The following RIPOR1 variants were observed in gnomAD, a reference collection of about 807,000 sequenced individuals.
RIPOR1 encodes RHO family interacting cell polarization regulator 1.
RIPOR1 carries 58 observed loss-of-function variants against 116.5 expected under a neutral mutation model. The ratio of observed to expected loss-of-function variants is 0.50; its 90% CI spans 0.40 to 0.62. The LOEUF is 0.62. Ranked by LOEUF, RIPOR1 falls within the 20% of genes least tolerant of loss-of-function variation. RIPOR1 has a pLI of 0.00. For missense variants in RIPOR1, 1,372 were observed against 1,586.2 expected (o/e 0.86, Z 2.29); for synonymous variants, 605 against 650.0 (o/e 0.93, Z 1.05).
chr16:67,539,348 G>C (rs927976709), intron 4 of RIPOR1: 20 of 527,172 alleles, frequency 3.8e-5, no homozygotes, highest in Non-Finnish European at 6.1e-5. Context: ...GTACTGAGCA[G>C]TGGTACTGCT....
chr16:67,524,020 T>C (rs1352811511), upstream of RIPOR1, among the ~76,000 whole-genome samples: 2 of 152,214 alleles, frequency 1.3e-5, no homozygotes. Context: ...CTCTTGAGTG[T>C]CCCCTCACAC....
At chr16:67,539,532 G>A (rs2050907920) in intron 4 of RIPOR1, 196 bp from the exon 5 acceptor site, 2 of 685,500 alleles carry the variant, frequency 2.9e-6, no homozygotes, top group Admixed American at 2.5e-5. Context: ...GGTCCTGGAG[G>A]GGGCTGAAGG....
At position 67,538,289 on chromosome 16, in the gene RIPOR1, G is replaced by A. The variant is rs550497737; in HGVS notation, c.-23-135G>A. The A allele has an allele frequency of 2.4e-4, 300 of 1,241,836 alleles. 1 individual carries two copies. The African/African-American group carries it at 4.1e-3, about 17-fold the overall frequency. The allele number at this position is 1,241,836 out of a possible 1,614,324, so 76.9% of individuals were successfully genotyped here. On this transcript the variant is annotated intron_variant, in intron 1 of 21. Coordinates refer to ENST00000042381, the MANE Select transcript of RIPOR1 (RefSeq NM_024519.4). ...ATTAGTGCCCGGGTCGGCGGGACTA[G>A]GCGGACCCGGCCGGAGCCCGCTGGG...
intron 1 of RIPOR1, among the ~76,000 whole-genome samples, chr16:67,520,816 A>G (rs1276615903): frequency 1.3e-5 from 2 of 152,066 alleles, no homozygotes; most frequent in Non-Finnish European, 1.5e-5. Context: ...AAAGAAAAAA[A>G]AAAATGAGGT....
chr16:67,543,204 C>T lies in RIPOR1; in HGVS notation c.2418C>T (p.Gly806=). 1 of 1,561,496 alleles carries T rather than the reference C, an allele frequency of 6.4e-7. No homozygotes were observed. Among genetic ancestry groups the T allele is most frequent in the East Asian group, 2.3e-5 (1 of 44,364 alleles). Residue 806 remains glycine, a synonymous_variant, in exon 13 of 22, where the codon GGC becomes GGT. Coordinates refer to ENST00000042381, the MANE Select transcript of RIPOR1 (RefSeq NM_024519.4). This position sits in a 1 kb window ranked among gnomAD's most constrained non-coding sequence, Gnocchi z 4.7. ...ALMAALDDYR[G]QFPELQGLEQ... ...TGGCTGCCCTGGATGACTACCGTGG[C>T]CAGTTTCCTGAGCTGCAGGGCCTGG...
intron 1 of RIPOR1, among the ~76,000 whole-genome samples, chr16:67,532,082 G>C (rs1196396433): frequency 6.7e-6 from 1 of 150,248 alleles, no homozygotes; most frequent in African/African-American, 2.5e-5. Flanking sequence ...TGTATATTTA[G>C]TAGATATGGG....
At position 67,542,179 on chromosome 16, in the gene RIPOR1, G is replaced by T; in HGVS notation, c.1393G>T (p.Val465Leu). Residue 465 changes from valine to leucine, a missense_variant, in exon 13 of 22, where the codon GTG (valine) becomes TTG (leucine). Physicochemically the swap from Val to Leu is conservative, Grantham distance 32. Transcript: ENST00000042381. This position sits in a 1 kb window ranked among gnomAD's most constrained non-coding sequence, Gnocchi z 4.6. The stretch of plus-strand genomic sequence containing the variant: ...AGATGCTGCCTTGGCTGAGGCTTCA[G>T]TGGAGGCCGTTGGCCCAGAAAGCCT... ...SVDAALAEAS[V>L]EAVGPESLAW... 5.6e-6 allele frequency: 9 copies of T among 1,613,516 alleles called. No homozygotes were observed. Among genetic ancestry groups the T allele is most frequent in the Non-Finnish European group, 7.6e-6 (9 of 1,179,748 alleles).
chr16:67,527,138 GCA>G (rs1479432338), upstream of RIPOR1, among the ~76,000 whole-genome samples: 9 of 152,140 alleles, frequency 5.9e-5, no homozygotes, highest in Non-Finnish European at 1.0e-4. Context: ...AGAGAAAAGG[GCA>G]CTGACCGGCC....
chr16:67,538,329 C>A, intron 1 of RIPOR1, 95 bp from the exon 2 acceptor site: 2 of 1,455,036 alleles, frequency 1.4e-6, no homozygotes, highest in Admixed American at 2.3e-5. Context: ...CTGTGCCTAG[C>A]GACAGGAAAG....
rs2050865253 is a variant in RIPOR1 at position 67,538,423 on chromosome 16, G to A, written c.-23-1G>A. ...CTGGACACCCCCCCGATCACCCGCA[G>A]GGAGCCCCGCGCGGACTCACTCTAT... On this transcript the variant is annotated splice_acceptor_variant, in intron 1 of 21. Coordinates refer to ENST00000042381, the MANE Select transcript of RIPOR1 (RefSeq NM_024519.4). LOFTEE classifies it low-confidence loss of function (5UTR_SPLICE). 1 of 1,576,652 alleles carries A rather than the reference G, an allele frequency of 6.3e-7. No homozygotes were observed. Among genetic ancestry groups the A allele is most frequent in the African/African-American group, 1.3e-5 (1 of 74,170 alleles).
chr16:67,535,802 G>A (rs1009551227), intron 1 of RIPOR1, among the ~76,000 whole-genome samples: 2 of 152,180 alleles, frequency 1.3e-5, no homozygotes, highest in Non-Finnish European at 2.9e-5. Context: ...ATGGCTGAAG[G>A]GACCAGAGAG....
In RIPOR1 at chr16:67,542,337, A is replaced by C; in HGVS notation, c.1551A>C (p.Thr517=). 6.2e-7 allele frequency: 1 copy of C among 1,613,730 alleles called. No individual in the cohort carries two copies. The highest frequency in any genetic ancestry group is 2.2e-5 in the East Asian group (1 of 44,866). Reference sequence around the variant, plus strand: ...TCGGTACAACAGGCTCTGTCCCCACATCTACAGACCCTGCCCCATCTGCAC... The same window carrying C: ...TCGGTACAACAGGCTCTGTCCCCACCTCTACAGACCCTGCCCCATCTGCAC... ...STLGTTGSVP[T]STDPAPSAHL... Residue 517 remains threonine, a synonymous_variant, in exon 13 of 22, where the codon ACA becomes ACC. Transcript: ENST00000042381. The surrounding 1 kb of genome is among the most constrained non-coding windows in gnomAD (Gnocchi z 4.6).
At position 67,543,176 on chromosome 16, in the gene RIPOR1, T is replaced by C; in HGVS notation, c.2390T>C (p.Leu797Pro). 6.5e-7 allele frequency: 1 copy of C among 1,542,320 alleles called. No homozygotes were observed. Among genetic ancestry groups the C allele is most frequent in the South Asian group, 1.3e-5 (1 of 78,842 alleles). Residue 797 changes from leucine to proline, a missense_variant, in exon 13 of 22, where the codon CTA becomes CCA. This residue lies in a region of RIPOR1 where 1,005 missense variants were observed against 1,144.7 expected (regional missense o/e 0.88). Transcript: ENST00000042381. This position sits in a 1 kb window ranked among gnomAD's most constrained non-coding sequence, Gnocchi z 4.7. ...DRSLEEALGA[L>P]MAALDDYRGQ... ...AGCCTGGAGGAGGCACTGGGGGCCC[T>C]AATGGCTGCCCTGGATGACTACCGT...
chr16:67,519,279 CAAA>C (rs56349474), intron 1 of RIPOR1, among the ~76,000 whole-genome samples: 1 of 89,880 alleles, frequency 1.1e-5, no homozygotes. Flanking sequence ...GACTCTGTTT[CAAA>C]AAAAAAAAAA....
In RIPOR1 at chr16:67,540,944, C is replaced by T. The variant is rs531573561; in HGVS notation, c.801+240C>T. On this transcript the variant is annotated intron_variant, in intron 10 of 21. Transcript: ENST00000042381. The surrounding 1 kb of genome is among the most constrained non-coding windows in gnomAD (Gnocchi z 4.7). Reference sequence around the variant, plus strand: ...ATCTTCTGACCCTGTGAATATTTGACCTCCTAAGCTCCCATGAGGCTGTGA... The same window carrying T: ...ATCTTCTGACCCTGTGAATATTTGATCTCCTAAGCTCCCATGAGGCTGTGA... Among the ~76,000 whole-genome samples, 24 of 152,270 alleles carry T rather than the reference C, an allele frequency of 1.6e-4. No individual in the cohort carries two copies. The highest frequency in any genetic ancestry group is 5.8e-4 in the African/African-American group (24 of 41,546).
Position 67,544,754 on chromosome 16 carries a change from G to T in RIPOR1, c.2793G>T (p.Leu931=), listed in dbSNP as rs1416399839. The T allele has an allele frequency of 6.2e-7, 1 of 1,612,204 alleles. No homozygotes were observed. The highest frequency in any genetic ancestry group is 2.2e-5 in the East Asian group (1 of 44,798). ...CQEAWALERL[L]REARVLEAVC... is the part of the protein sequence containing the mutation. ...AGGCATGGGCCCTGGAGCGGCTGCT[G>T]CGGGAAGCCCGAGTACTGGAGGCAG... is the stretch of plus-strand genomic sequence containing the variant. The change falls in exon 16 of 22, where the codon CTG becomes CTT. Residue 931 remains leucine, a synonymous_variant. Coordinates refer to ENST00000042381, the MANE Select transcript of RIPOR1 (RefSeq NM_024519.4). The surrounding 1 kb of genome is among the most constrained non-coding windows in gnomAD (Gnocchi z 5.1).
upstream of RIPOR1, among the ~76,000 whole-genome samples, chr16:67,528,131 ACT>A (rs1204640684): frequency 6.6e-6 from 1 of 150,900 alleles, no homozygotes; most frequent in Non-Finnish European, 1.5e-5. Context: ...CATGGGGTCG[ACT>A]CTCAGCCCCA....
In RIPOR1 at chr16:67,543,897, C is replaced by G. The variant is rs924156752; in HGVS notation, c.2601-402C>G. 1.7e-5 allele frequency: 6 copies of G among 358,144 alleles called. No homozygotes were observed. The highest frequency in any genetic ancestry group is 3.1e-5 in the Non-Finnish European group (6 of 192,788). The allele number at this position is 358,144 out of a possible 1,614,324, so 22.2% of individuals were successfully genotyped here. On this transcript the variant is annotated intron_variant, in intron 14 of 21. Transcript: ENST00000042381. This position sits in a 1 kb window ranked among gnomAD's most constrained non-coding sequence, Gnocchi z 4.7. The stretch of plus-strand genomic sequence containing the variant: ...CCCGACTCTCCCAGAGGCCCTGGCC[C>G]CTCAACTGTCAGTCCTGGAGTGGCC...
At chr16:67,538,888 C>G in intron 3 of RIPOR1, 64 bp downstream of exon 3, 1 of 1,610,180 alleles carries the variant, frequency 6.2e-7, no homozygotes, top group South Asian at 1.1e-5. Context: ...ATCCTGCTAG[C>G]AGGAACCTTC....
Sources: gnomAD v4.1 joint callset for allele counts (sites outside exome capture counted in the v4.1 genomes callset) on GRCh38, gnomAD v4.1.1 for gene constraint, gnomAD v4.1.1 regional missense constraint, Gnocchi (gnomAD v3.1) non-coding constraint, MANE v1.5 for transcripts, NCBI Gene and HGNC (gene_info 2026-07-23, HGNC 2026-07-21) for gene names.